Variants in STAC3 observed in about 807,000 individuals in gnomAD.
The protein encoded by STAC3 is SH3 and cysteine-rich domain-containing protein 3.
STAC3 carries 30 observed loss-of-function variants against 48.5 expected under a neutral mutation model. The observed-to-expected ratio is 0.62, with a 90% CI of 0.46 to 0.84. The LOEUF is 0.84. Ranked by LOEUF, STAC3 falls within the 40% of genes least tolerant of loss-of-function variation. STAC3 has a pLI of 0.00. For synonymous variants in STAC3, 144 were observed against 158.6 expected, an observed-to-expected ratio of 0.91 and a Z score of 0.69; for missense variants, 419 against 462.6, an observed-to-expected ratio of 0.91 and a Z score of 0.86.
At chr12:57,249,439 T>C in intron 2 of STAC3, 131 bp from the exon 3 acceptor site, 3 of 1,483,372 alleles carry the variant, frequency 2.0e-6, no homozygotes, top group African/African-American at 1.4e-5. Context: ...TAGGGGGGTA[T>C]TGGTATTGGG....
rs764881964 is a variant in STAC3, at chr12:57,244,911, C to T, written c.720+5G>A. 2.5e-6 allele frequency: 4 copies of T among 1,614,134 alleles called. No homozygotes were observed. Among genetic ancestry groups the T allele is most frequent in the South Asian group, 1.1e-5 (1 of 91,090 alleles). ...GGGTTCCTTGCAGGGAGGAAGGATTCTTACCTTGTCATCAGGTGTCTTCTT... is the reference window on the plus strand; with the variant it reads ...GGGTTCCTTGCAGGGAGGAAGGATTTTTACCTTGTCATCAGGTGTCTTCTT... On this transcript the variant is annotated splice_donor_5th_base_variant and intron_variant, in intron 8 of 11. Transcript: ENST00000332782.
At chr12:57,247,499 T>C (rs1490262815) in intron 5 of STAC3, among the ~76,000 whole-genome samples, 1 of 142,588 alleles carries the variant, frequency 7.0e-6, no homozygotes, top group African/African-American at 2.7e-5. Flanking sequence ...AGTGGCACAA[T>C]CTCGGCTCAC....
Position 57,248,190 on chromosome 12 carries a change from A to G in STAC3, c.441T>C (p.Gly147=), listed in dbSNP as rs757838723. The change falls in exon 5 of 12, where the codon GGT becomes GGC. Residue 147 remains glycine, a synonymous_variant. Transcript: ENST00000332782. ...MQRCFGKIPP[G]FHRAYSSPLY... ...GTGGGGAACTATAGGCCCGATGGAA[A>G]CCAGGTGGCTGTAGGATGGGATGAG... 9 of 1,613,864 alleles carry G rather than the reference A, an allele frequency of 5.6e-6. No homozygotes were observed. The highest frequency in any genetic ancestry group is 1.3e-5 in the African/African-American group (1 of 74,940).
intron 1 of STAC3, 106 bp from the exon 2 acceptor site, chr12:57,249,743 T>A: frequency 8.2e-7 from 1 of 1,226,720 alleles, no homozygotes; most frequent in Non-Finnish European, 1.2e-6. Context: ...TTCGGAGAAA[T>A]GTGATGAGAG....
rs1565784955 is a variant in STAC3 at position 57,251,187 on chromosome 12, G to A, written c.-196C>T. 2 of 455,524 alleles carry A rather than the reference G, an allele frequency of 4.4e-6. No homozygotes were observed. Among genetic ancestry groups the A allele is most frequent in the Non-Finnish European group, 8.8e-6 (2 of 226,694 alleles). The allele number at this position is 455,524 out of a possible 1,614,324, so 28.2% of individuals were successfully genotyped here. A position where few individuals can be genotyped will look rare whatever the true frequency, so the allele number is the denominator to read the frequency against. The stretch of plus-strand genomic sequence containing the variant: ...CCTGCCTTGGTGTCAGGGCTGAAAT[G>A]ACAGGGCTGGAGGAAAGTGGACAGC... On this transcript the variant is annotated 5_prime_UTR_variant, in exon 1 of 12. Transcript: ENST00000332782.
At chr12:57,250,829 C>G (rs1415063683) in intron 1 of STAC3, among the ~76,000 whole-genome samples, 164 bp downstream of exon 1, 1 of 149,716 alleles carries the variant, frequency 6.7e-6, no homozygotes, top group Non-Finnish European at 1.5e-5. Flanking sequence ...CCACCCCCAC[C>G]CCCCGCTTCA....
rs753060630 is a variant in STAC3, at chr12:57,248,261, C to G, written c.433-63G>C. 640 of 1,283,404 alleles carry G rather than the reference C, an allele frequency of 5.0e-4. 2 individuals are homozygous for G. Among genetic ancestry groups the G allele is most frequent in the Non-Finnish European group, 5.8e-4 (510 of 879,558 alleles). The allele number at this position is 1,283,404 out of a possible 1,614,324, so 79.5% of individuals were successfully genotyped here. On this transcript the variant is annotated intron_variant, in intron 4 of 11. Transcript: ENST00000332782. ...AAGTAAGGTCCAGAAGCCTATCTCT[C>G]CCAGGAGTGCTCACCCTTTCTCAGA...
intron 1 of STAC3, among the ~76,000 whole-genome samples, chr12:57,250,773 T>C (rs988467613): frequency 6.6e-6 from 1 of 152,044 alleles, no homozygotes; most frequent in Non-Finnish European, 1.5e-5. Context: ...TTCAGGGTAA[T>C]ATGAGCCTTT....
At chr12:57,249,859 G>A (rs1321123088) in intron 1 of STAC3, 3 of 473,448 alleles carry the variant, frequency 6.3e-6, no homozygotes, top group South Asian at 5.0e-5. Flanking sequence ...AGCCTGAAGC[G>A]ATCCCCCTAC....
chr12:57,244,042 G>C (rs770733973), intron 11 of STAC3, 46 bp downstream of exon 11: 1 of 1,613,556 alleles, frequency 6.2e-7, no homozygotes, highest in East Asian at 2.2e-5. Context: ...AGTGTGGTGG[G>C]CTAGGGAGCA....
chr12:57,243,930 G>A lies in STAC3; in HGVS notation c.997-20C>T. The A allele has an allele frequency of 6.2e-7, 1 of 1,612,792 alleles. No individual in the cohort carries two copies. The highest frequency in any genetic ancestry group is 8.5e-7 in the Non-Finnish European group (1 of 1,179,380). On this transcript the variant is annotated intron_variant, in intron 11 of 11. Transcript: ENST00000332782. ...CACGATCTAGAAGATTAAAGGATCA[G>A]AAGTAGGAGAGGAATCAAAGGAAAA... is the stretch of plus-strand genomic sequence containing the variant.
chr12:57,247,317 T>A (rs1390234312), intron 5 of STAC3, among the ~76,000 whole-genome samples: 2 of 152,116 alleles, frequency 1.3e-5, no homozygotes, highest in Non-Finnish European at 2.9e-5. Context: ...TTCTTCTTTT[T>A]CACCCATGCT....
rs544269345 is a variant in STAC3 at position 57,246,900 on chromosome 12, A to C, written c.507T>G (p.Ser169=). 25 of 1,613,126 alleles carry C rather than the reference A, an allele frequency of 1.5e-5. No homozygotes were observed. The South Asian group carries it at 2.7e-4, about 18-fold the overall frequency. ...ACACAGGATCATTGCGATTGGCAGC[A>C]GCTAATCGAATGGGAGGAGAAAGAA... ...NQQYACVKDL[S]AANRNDPVFE... Residue 169 remains serine (S), a splice_region_variant and synonymous_variant, in exon 6 of 12, where the codon TCT becomes TCG. Transcript: ENST00000332782.
rs1242641835 is a variant in STAC3, at chr12:57,243,827, A to G, written c.1080T>C (p.Phe360=). 3.1e-6 allele frequency: 5 copies of G among 1,613,888 alleles called. No homozygotes were observed. The highest frequency in any genetic ancestry group is 1.7e-5 in the Admixed American group (1 of 59,992). ...GRKVGLFPTD[F]LEEI The stretch of plus-strand genomic sequence containing the variant: ...GCCCGCACGCCTAAATTTCCTCTAG[A>G]AAGTCGGTGGGAAACAGCCCCACCT... The change falls in exon 12 of 12, where the codon TTT becomes TTC. Residue 360 remains phenylalanine, a synonymous_variant. Transcript: ENST00000332782.
chr12:57,246,709 A>G (rs1454001176), intron 6 of STAC3, 95 bp downstream of exon 6: 1 of 1,188,486 alleles, frequency 8.4e-7, no homozygotes, highest in Non-Finnish European at 1.2e-6. Flanking sequence ...TTTTAGGGGA[A>G]GACAATCCAT....
In STAC3 at chr12:57,244,612, G is replaced by C; in HGVS notation, c.731C>G (p.Pro244Arg). Reference protein sequence around the residue: ...KKTPDDKHKQPGFQQSHYFVA... With the variant: ...KKTPDDKHKQRGFQQSHYFVA... ...AAAGTAATGAGACTGCTGGAAGCCAGGCTGCTTGTGCTGGGGGTGCAAGGG... is the reference window on the plus strand; with the variant it reads ...AAAGTAATGAGACTGCTGGAAGCCACGCTGCTTGTGCTGGGGGTGCAAGGG... Residue 244 changes from proline (P) to arginine (R), a missense_variant, in exon 9 of 12, where the codon CCT becomes CGT. Transcript: ENST00000332782. The C allele has an allele frequency of 3.1e-6, 5 of 1,614,250 alleles. No individual in the cohort carries two copies. The highest frequency in any genetic ancestry group is 3.4e-6 in the Non-Finnish European group (4 of 1,180,056).
Position 57,243,654 on chromosome 12 carries a change from C to A in STAC3, c.*158G>T, listed in dbSNP as rs1350956210. The A allele has an allele frequency of 4.0e-6, 3 of 749,436 alleles. No homozygotes were observed. The Admixed American group carries it at 6.0e-5, about 15-fold the overall frequency. 46.4% of individuals were successfully genotyped at this position (749,436 alleles called of 1,614,324 possible). A position where few individuals can be genotyped will look rare whatever the true frequency, so the allele number is the denominator to read the frequency against. On this transcript the variant is annotated 3_prime_UTR_variant, in exon 12 of 12. Coordinates refer to ENST00000332782, the MANE Select transcript of STAC3 (RefSeq NM_145064.3). ...CGAGGCCCCAGGCTGGGGAAGGGGG[C>A]GAGAACCAGTCCCTTCCCGGAAGCC...
At position 57,251,182 on chromosome 12, in the gene STAC3, G is replaced by GA. The variant is rs1565784944; in HGVS notation, c.-192dup. The GA allele has an allele frequency of 2.2e-6, 1 of 455,644 alleles. No individual in the cohort carries two copies. Among genetic ancestry groups the GA allele is most frequent in the Non-Finnish European group, 4.4e-6 (1 of 226,748 alleles). The allele number at this position is 455,644 out of a possible 1,614,324, so 28.2% of individuals were successfully genotyped here. A position where few individuals can be genotyped will look rare whatever the true frequency, so the allele number is the denominator to read the frequency against. On this transcript the variant is annotated 5_prime_UTR_variant, in exon 1 of 12. Coordinates refer to ENST00000332782, the MANE Select transcript of STAC3 (RefSeq NM_145064.3). ...AGCCTCCTGCCTTGGTGTCAGGGCT[G>GA]AAATGACAGGGCTGGAGGAAAGTGG...
intron 1 of STAC3, among the ~76,000 whole-genome samples, chr12:57,250,657 A>G (rs1350871344): frequency 2.0e-5 from 3 of 152,000 alleles, no homozygotes; most frequent in Non-Finnish European, 2.9e-5. Flanking sequence ...GCACACAAGG[A>G]AGGATGGACT....
Sources: gnomAD v4.1 joint callset for allele counts (sites outside exome capture counted in the v4.1 genomes callset) on GRCh38, gnomAD v4.1.1 for gene constraint, MANE v1.5 for transcripts, NCBI Gene and HGNC (gene_info 2026-07-23, HGNC 2026-07-21) for gene names.